UNC5C: variants seen among roughly 807,000 people sequenced by gnomAD.
UNC5C encodes the protein unc-5 netrin receptor C, also known as netrin receptor UNC5C.
UNC5C carries 47 observed loss-of-function variants against 99.8 expected under a neutral mutation model. The observed-to-expected ratio is 0.47, with a 90% CI of 0.37 to 0.60. The LOEUF (loss-of-function observed/expected upper bound fraction) is 0.60, where lower values mean the gene tolerates loss of function less well. UNC5C is among the 20% of genes least tolerant of loss of function. The pLI is 0.00. For missense variants in UNC5C, 1,062 were observed against 1,165.9 expected, an observed-to-expected ratio of 0.91 and a Z score of 1.30; for synonymous variants, 487 against 452.2, an observed-to-expected ratio of 1.08 and a Z score of -0.98.
intron 1 of UNC5C, among the ~76,000 whole-genome samples, chr4:95,342,415 A>G (rs1743613445): frequency 6.6e-6 from 1 of 152,126 alleles, no homozygotes; most frequent in Non-Finnish European, 1.5e-5. Flanking sequence ...TTGGGCCAGA[A>G]GCAAAACTAC....
chr4:95,424,449 A>C (rs1478687811), intron 1 of UNC5C, among the ~76,000 whole-genome samples: 1 of 150,818 alleles, frequency 6.6e-6, no homozygotes, highest in Admixed American at 6.6e-5. Flanking sequence ...GCAACATTGT[A>C]AGTACGGTTA....
intron 10 of UNC5C, among the ~76,000 whole-genome samples, chr4:95,209,974 A>C (rs773999736): frequency 3.3e-5 from 5 of 152,146 alleles, no homozygotes; most frequent in Admixed American, 6.5e-5. Context: ...GGTCTTTGCA[A>C]TATAGTTGGG....
intron 2 of UNC5C, among the ~76,000 whole-genome samples, chr4:95,314,001 G>T (rs1173629551): frequency 6.6e-6 from 1 of 152,118 alleles, no homozygotes; most frequent in Non-Finnish European, 1.5e-5. Context: ...GAAAAGGAAC[G>T]AAATAACAGT....
At chr4:95,538,547 T>A (rs919493699) in intron 1 of UNC5C, among the ~76,000 whole-genome samples, 1 of 152,176 alleles carries the variant, frequency 6.6e-6, no homozygotes, top group Non-Finnish European at 1.5e-5. Flanking sequence ...TAATGCATTA[T>A]TATTTATTTT....
intron 1 of UNC5C, among the ~76,000 whole-genome samples, chr4:95,436,870 G>A (rs1337977118): frequency 6.6e-6 from 1 of 151,534 alleles, no homozygotes; most frequent in African/African-American, 2.4e-5. Context: ...TAATTTCTAT[G>A]ACAGATGTAC....
intron 1 of UNC5C, among the ~76,000 whole-genome samples, chr4:95,479,853 G>C (rs13121665): frequency 6.6e-6 from 1 of 151,586 alleles, no homozygotes; most frequent in Non-Finnish European, 1.5e-5. Context: ...GATTGACATG[G>C]GAATCAATGG....
At chr4:95,422,160 G>T (rs139336597) in intron 1 of UNC5C, among the ~76,000 whole-genome samples, 1 of 152,184 alleles carries the variant, frequency 6.6e-6, no homozygotes, top group Admixed American at 6.5e-5. Context: ...AACGTTACTC[G>T]TTTAGGTAGG....
At chr4:95,323,496 C>G (rs778423875) in intron 2 of UNC5C, among the ~76,000 whole-genome samples, 90 of 152,182 alleles carry the variant, frequency 5.9e-4, no homozygotes, top group Non-Finnish European at 1.1e-3. Flanking sequence ...GAAGAGCATG[C>G]CAATAATTAA....
rs369664853 is a variant in UNC5C at position 95,219,096 on chromosome 4, G to A, written c.1518C>T (p.Thr506=). ...GGGCTTCATTCTCCAACAACGACTG[G>A]GTCATCTGAGGGGACAGCTTGGACG... ...EFTSKLSPQM[T]QSLLENEALS... is the part of the protein sequence containing the mutation. The change falls in exon 9 of 16, where the codon ACC becomes ACT. Residue 506 remains threonine, a synonymous_variant. Coordinates refer to ENST00000453304, the MANE Select transcript of UNC5C (RefSeq NM_003728.4). 3.1e-6 allele frequency: 5 copies of A among 1,614,106 alleles called. No individual in the cohort carries two copies. Among genetic ancestry groups the A allele is most frequent in the Non-Finnish European group, 4.2e-6 (5 of 1,180,004 alleles).
At chr4:95,415,748 A>G (rs1746144203) in intron 1 of UNC5C, among the ~76,000 whole-genome samples, 1 of 152,136 alleles carries the variant, frequency 6.6e-6, no homozygotes, top group African/African-American at 2.4e-5. Flanking sequence ...CTCATCCATG[A>G]TGAGTAAATT....
rs1427470541 is a variant in UNC5C, at chr4:95,291,514, TATG to T, written c.490+10089_490+10091del. Among the ~76,000 whole-genome samples the T allele has an allele frequency of 2.0e-5, 3 of 152,302 alleles. No homozygotes were observed. The East Asian group carries it at 5.8e-4, about 29-fold the overall frequency. ...TACGTATAGATGATTTCCCCCAAAA[TATG>T]ACTTATGAGACTGTGTTCTATGAAT... On this transcript the variant is annotated intron_variant, in intron 3 of 15. Transcript: ENST00000453304.
At chr4:95,474,730 A>G (rs530334009) in intron 1 of UNC5C, among the ~76,000 whole-genome samples, 1 of 152,288 alleles carries the variant, frequency 6.6e-6, no homozygotes, top group Admixed American at 6.5e-5. Context: ...AAACTTAGAC[A>G]TGCATGCATT....
At chr4:95,268,859 G>A (rs6822908) in intron 4 of UNC5C, among the ~76,000 whole-genome samples, 4,701 of 152,282 alleles carry the variant, frequency 0.031, 217 homozygotes, top group African/African-American at 0.1. Context: ...TAGCAGAGTT[G>A]AGAACTGTGT....
chr4:95,257,517 G>A (rs993251423), intron 4 of UNC5C, among the ~76,000 whole-genome samples: 9 of 152,272 alleles, frequency 5.9e-5, no homozygotes, highest in African/African-American at 9.6e-5. Context: ...ATGAGTTGAC[G>A]GTATGTGGAA....
chr4:95,216,569 A>T (rs1738260599), intron 9 of UNC5C, among the ~76,000 whole-genome samples: 1 of 151,918 alleles, frequency 6.6e-6, no homozygotes, highest in South Asian at 2.1e-4. Context: ...TCCCCACAAG[A>T]TTCAAAGTCA....
chr4:95,434,371 A>C (rs1233061751), intron 1 of UNC5C, among the ~76,000 whole-genome samples: 1 of 152,080 alleles, frequency 6.6e-6, no homozygotes, highest in East Asian at 1.9e-4. Flanking sequence ...TTTACTAAGC[A>C]CCTACTCTGT....
chr4:95,270,408 T>A (rs1740614452), intron 4 of UNC5C, among the ~76,000 whole-genome samples: 1 of 139,282 alleles, frequency 7.2e-6, no homozygotes, highest in Non-Finnish European at 1.6e-5. Flanking sequence ...TGAAATTATA[T>A]CTTTAGACAA....
intron 3 of UNC5C, 37 bp downstream of exon 3, chr4:95,301,569 T>G: frequency 6.2e-7 from 1 of 1,612,706 alleles, no homozygotes; most frequent in South Asian, 1.1e-5. Flanking sequence ...GTGTATCAAC[T>G]TCTGAGACCC....
At position 95,171,626 on chromosome 4, in the gene UNC5C, T is replaced by C. The variant is rs1281911152; in HGVS notation, c.2452-1294A>G. On this transcript the variant is annotated intron_variant, in intron 14 of 15. Coordinates refer to ENST00000453304, the MANE Select transcript of UNC5C (RefSeq NM_003728.4). ...GTGTATATGTGCCACATTTTCTTAA[T>C]CCAGTCTATCATTGTTGGACATTTG... Among the ~76,000 whole-genome samples, 30 of 152,196 alleles carry C rather than the reference T, an allele frequency of 2.0e-4. No individual in the cohort carries two copies. The East Asian group carries it at 5.6e-3, about 28-fold the overall frequency.
Sources: allele counts gnomAD v4.1 joint callset (sites outside exome capture counted in the v4.1 genomes callset), GRCh38; gene constraint gnomAD v4.1.1; transcripts MANE v1.5; gene names NCBI Gene and HGNC (gene_info 2026-07-23, HGNC 2026-07-21).